Variants in TAF1 observed in about 807,000 individuals in gnomAD.
The protein encoded by TAF1 is TATA-box binding protein associated factor 1, also known as transcription initiation factor TFIID subunit 1.
TAF1 carries 2 observed loss-of-function variants against 138.5 expected under a neutral mutation model. The ratio of observed to expected loss-of-function variants is 0.01; its 90% CI spans 0.01 to 0.05. The LOEUF is 0.05. Ranked by LOEUF, TAF1 falls within the 10% of genes least tolerant of loss-of-function variation. The probability of loss-of-function intolerance (pLI) is 1.00; values close to 1 mark genes in which losing one functional copy is unlikely to be tolerated. For synonymous variants in TAF1, 437 were observed against 503.2 expected (o/e 0.87, Z 1.76); for missense variants, 709 against 1,478.0 (o/e 0.48, Z 8.53).
At chrX:71,523,607 A>C (rs1276126226) in intron 13 of TAF1, among the ~76,000 whole-genome samples, 1 of 112,208 alleles carries the variant, frequency 8.9e-6, no homozygotes, top group African/African-American at 3.2e-5. Context: ...CAGTATTTAC[A>C]TTTGTTCTCC....
intron 13 of TAF1, among the ~76,000 whole-genome samples, chrX:71,516,668 G>A (rs900644563): frequency 9.3e-6 from 1 of 107,477 alleles, no homozygotes; most frequent in Non-Finnish European, 1.9e-5. Context: ...AAAAGTTACG[G>A]TGGTAAATTT....
chrX:71,374,902 T>C (rs769561314), intron 3 of TAF1, among the ~76,000 whole-genome samples: 1 of 108,649 alleles, frequency 9.2e-6, no homozygotes, highest in African/African-American at 3.3e-5. Flanking sequence ...CCGACCGACA[T>C]GGAGAAACCC....
intron 13 of TAF1, among the ~76,000 whole-genome samples, chrX:71,512,052 C>T (rs1251666428): frequency 1.8e-5 from 2 of 108,338 alleles, no homozygotes; most frequent in Non-Finnish European, 3.8e-5. Context: ...CTGTGGCTTA[C>T]ACCTGTAATC....
chrX:71,514,430 T>C (rs936056541), intron 13 of TAF1, among the ~76,000 whole-genome samples: 1 of 78,841 alleles, frequency 1.3e-5, no homozygotes, highest in Non-Finnish European at 2.3e-5. Context: ...CTTAAAGGAC[T>C]AGAGGAGTCC....
chrX:71,501,575 C>T (rs1001953402), intron 13 of TAF1, among the ~76,000 whole-genome samples: 1 of 111,506 alleles, frequency 9.0e-6, no homozygotes, highest in Non-Finnish European at 1.9e-5. Context: ...GAGAGTTCCG[C>T]TCATGGCTAC....
rs773974460 is a variant in TAF1, at chrX:71,388,712, A to T, written c.2570-26A>T. ...GGCCTTTGGAATTCAGAATGGTCTCATTCTCTATGTATATGTCTTTTCCAG... is the reference window on the plus strand; with the variant it reads ...GGCCTTTGGAATTCAGAATGGTCTCTTTCTCTATGTATATGTCTTTTCCAG... On this transcript the variant is annotated intron_variant, in intron 16 of 37. Transcript: ENST00000423759. The T allele has an allele frequency of 5.0e-6, 6 of 1,210,942 alleles. No individual in the cohort carries two copies. In the South Asian group the frequency reaches 1.1e-4, roughly 21 times the overall value.
In TAF1 at chrX:71,408,168, C is replaced by G. The variant is rs201012044; in HGVS notation, c.4384+17C>G. The G allele has an allele frequency of 2.3e-5, 28 of 1,206,186 alleles. No homozygotes were observed. In the East Asian group the frequency reaches 7.7e-4, roughly 33 times the overall value. On this transcript the variant is annotated intron_variant, in intron 28 of 37. Coordinates refer to ENST00000423759, the MANE Select transcript of TAF1 (RefSeq NM_004606.5). ...CCTACAATGGTAAGAATCAAATGTTCCGTGATTGCAAAGGTCACTGTTCAG... is the reference window on the plus strand; with the variant it reads ...CCTACAATGGTAAGAATCAAATGTTGCGTGATTGCAAAGGTCACTGTTCAG...
chrX:71,401,992 A>G (rs1421961029), intron 25 of TAF1, among the ~76,000 whole-genome samples: 2 of 112,291 alleles, frequency 1.8e-5, no homozygotes. Context: ...CACCTTTACC[A>G]GGATAGTTAA....
At chrX:71,458,716 T>C (rs1171257281) in intron 35 of TAF1, among the ~76,000 whole-genome samples, 1 of 112,072 alleles carries the variant, frequency 8.9e-6, no homozygotes, top group Non-Finnish European at 1.9e-5. Context: ...TATTATAATT[T>C]AAATTAAAAT....
At chrX:71,382,403 G>T (rs1602484082) in intron 9 of TAF1, 133 bp from the exon 10 acceptor site, 19 of 871,756 alleles carry the variant, frequency 2.2e-5, no homozygotes, top group South Asian at 1.4e-4. Context: ...ACCTGGGGGG[G>T]GGTGGGATGA....
chrX:71,444,581 G>T (rs1037795714), intron 32 of TAF1, among the ~76,000 whole-genome samples: 1 of 110,187 alleles, frequency 9.1e-6, no homozygotes, highest in African/African-American at 3.3e-5. Context: ...TTTGTGTTTG[G>T]GTGTGCATGC....
intron 29 of TAF1, among the ~76,000 whole-genome samples, chrX:71,421,956 G>A (rs28382196): frequency 8.9e-6 from 1 of 111,939 alleles, no homozygotes; most frequent in East Asian, 2.8e-4. Context: ...TTTAAACCAC[G>A]ATGTCACTAC....
chrX:71,477,023 C>T (rs2038991350), intron 13 of TAF1, among the ~76,000 whole-genome samples: 1 of 109,437 alleles, frequency 9.1e-6, no homozygotes, highest in Non-Finnish European at 1.9e-5. Context: ...CCTACAACCT[C>T]CACCTCCCAG....
chrX:71,480,086 ATGG>A (rs745744171), intron 13 of TAF1, among the ~76,000 whole-genome samples: 10 of 110,727 alleles, frequency 9.0e-5, no homozygotes, highest in African/African-American at 2.3e-4. Flanking sequence ...TTATCTGGGC[ATGG>A]TGGTGTGCAC....
rs372798274 is a variant in TAF1, at chrX:71,401,523, T to C, written c.3787-5T>C. On this transcript the variant is annotated splice_polypyrimidine_tract_variant and splice_region_variant and intron_variant, in intron 24 of 37. Transcript: ENST00000423759. The stretch of plus-strand genomic sequence containing the variant: ...CTGACGTGTTTGATACTTTTCCTTT[T>C]GCAGCTGAAATGTGGGGCATGTGGT... 1.7e-6 allele frequency: 2 copies of C among 1,210,042 alleles called. No homozygotes were observed. Among genetic ancestry groups the C allele is most frequent in the African/African-American group, 3.5e-5 (2 of 57,213 alleles).
chrX:71,410,454 C>CTTTTTTTTT (rs57027102), intron 28 of TAF1, among the ~76,000 whole-genome samples: 13 of 70,642 alleles, frequency 1.8e-4, no homozygotes, highest in African/African-American at 3.5e-4. Context: ...TTTCTTTTTT[C>CTTTTTTTTT]TTTTTTTTTT....
chrX:71,426,902 C>T, intron 32 of TAF1, among the ~76,000 whole-genome samples: 2 of 111,506 alleles, frequency 1.8e-5, no homozygotes, highest in East Asian at 5.6e-4. Flanking sequence ...TCTTATAATT[C>T]CTTAAACAAA....
chrX:71,522,866 T>C (rs1212670382), intron 13 of TAF1, among the ~76,000 whole-genome samples: 3 of 98,459 alleles, frequency 3.0e-5, no homozygotes, highest in Admixed American at 2.3e-4. Context: ...TGAGCTTAGA[T>C]TTTTAGAAGC....
chrX:71,473,670 A>T (rs1039553396), intron 13 of TAF1, among the ~76,000 whole-genome samples: 4 of 109,823 alleles, frequency 3.6e-5, no homozygotes, highest in Non-Finnish European at 7.6e-5. Context: ...AGCCTGGGCA[A>T]CAGAGCATGA....
Sources: gnomAD v4.1 joint callset for allele counts (sites outside exome capture counted in the v4.1 genomes callset) on GRCh38, gnomAD v4.1.1 for gene constraint, MANE v1.5 for transcripts, NCBI Gene and HGNC (gene_info 2026-07-23, HGNC 2026-07-21) for gene names.